The following UST variants were observed in gnomAD, a reference collection of about 807,000 sequenced individuals.
The protein encoded by UST is chondroitin sulfate 2-O-sulfotransferase.
UST carries 21 observed loss-of-function variants against 45.6 expected under a neutral mutation model. The ratio of observed to expected loss-of-function variants is 0.46; its 90% CI spans 0.33 to 0.66. The LOEUF (loss-of-function observed/expected upper bound fraction) is 0.66, where lower values mean the gene tolerates loss of function less well. Ranked by LOEUF, UST falls within the 30% of genes least tolerant of loss-of-function variation. The pLI is 0.02. For synonymous variants in UST, 215 were observed against 200.6 expected (o/e 1.07, Z -0.61); for missense variants, 463 against 512.4 (o/e 0.90, Z 0.93).
At chr6:148,784,508 G>C (rs1776702669) in intron 1 of UST, among the ~76,000 whole-genome samples, 1 of 152,172 alleles carries the variant, frequency 6.6e-6, no homozygotes, top group Non-Finnish European at 1.5e-5. Context: ...CTCCCAAAAG[G>C]GAAGCTATAT....
intron 2 of UST, among the ~76,000 whole-genome samples, chr6:148,893,932 C>T (rs1024125170): frequency 4.6e-5 from 7 of 152,102 alleles, no homozygotes; most frequent in African/African-American, 1.2e-4. Context: ...GTGGGAGGAT[C>T]GCTTGAGCCC....
Position 148,747,693 on chromosome 6 carries a change from A to AGGCGCTAGGGCGGCGCCGAC in UST, c.247+17_247+36dup. On this transcript the variant is annotated intron_variant, in intron 1 of 7. Transcript: ENST00000367463. ...CAGTACTTGGGTAAGGAAGCTGGGCAGGCGCTAGGGCGGCGCCGACAGCGC... is the reference window on the plus strand; with the variant it reads ...CAGTACTTGGGTAAGGAAGCTGGGCAGGCGCTAGGGCGGCGCCGACGGCGCTAGGGCGGCGCCGACAGCGC... The AGGCGCTAGGGCGGCGCCGAC allele has an allele frequency of 1.9e-6, 3 of 1,583,358 alleles. No homozygotes were observed. The highest frequency in any genetic ancestry group is 2.6e-6 in the Non-Finnish European group (3 of 1,166,478).
intron 1 of UST, among the ~76,000 whole-genome samples, chr6:148,827,640 T>G (rs1265719285): frequency 6.7e-6 from 1 of 148,996 alleles, no homozygotes; most frequent in Non-Finnish European, 1.5e-5. Flanking sequence ...AAAAAGCGTC[T>G]AAACTCCCGA....
At chr6:148,999,135 TTATC>T (rs777703064) in intron 5 of UST, among the ~76,000 whole-genome samples, 12 of 152,370 alleles carry the variant, frequency 7.9e-5, no homozygotes, top group Admixed American at 2.0e-4. Context: ...TGATATATCT[TTATC>T]TATATGAACA....
chr6:148,954,512 T>G (rs899390361), intron 4 of UST, among the ~76,000 whole-genome samples: 2 of 152,218 alleles, frequency 1.3e-5, no homozygotes, highest in Non-Finnish European at 2.9e-5. Context: ...CAAATGATTA[T>G]TATTGTGTCA....
At chr6:149,044,275 G>A (rs546605681) in intron 7 of UST, among the ~76,000 whole-genome samples, 4 of 152,162 alleles carry the variant, frequency 2.6e-5, no homozygotes, top group African/African-American at 7.2e-5. Flanking sequence ...TAAATCTCAA[G>A]CAATATTAGC....
chr6:149,044,847 A>T (rs1776375765), intron 7 of UST, among the ~76,000 whole-genome samples: 1 of 152,214 alleles, frequency 6.6e-6, no homozygotes, highest in Admixed American at 6.5e-5. Context: ...CGTGCTTTGG[A>T]TATCAGATTA....
In UST at chr6:149,068,339, GTTATA is replaced by G. The variant is rs1776771421; in HGVS notation, c.938-5493_938-5489del. On this transcript the variant is annotated intron_variant, in intron 7 of 7. Coordinates refer to ENST00000367463, the MANE Select transcript of UST (RefSeq NM_005715.3). ...TTTCTGGCTGCATGACCTTGAATGA[GTTATA>G]GCCTTGGCCTCAGTTTCCTCATGTA... 2.0e-5 allele frequency among the ~76,000 whole-genome samples: 3 copies of G among 152,304 alleles called. No individual in the cohort carries two copies. The South Asian group carries it at 6.2e-4, about 32-fold the overall frequency.
chr6:149,015,104 C>G (rs1046313445), intron 5 of UST, among the ~76,000 whole-genome samples: 1 of 152,090 alleles, frequency 6.6e-6, no homozygotes, highest in Non-Finnish European at 1.5e-5. Context: ...GGAGTTTCCT[C>G]TGAGACCAGC....
chr6:148,830,150 A>G (rs1007235249), intron 1 of UST, among the ~76,000 whole-genome samples: 1 of 152,134 alleles, frequency 6.6e-6, no homozygotes, highest in Non-Finnish European at 1.5e-5. Flanking sequence ...CCCTTAATAG[A>G]GTGACTTACT....
intron 5 of UST, among the ~76,000 whole-genome samples, chr6:149,007,118 T>G (rs1452719083): frequency 5.0e-5 from 1 of 20,038 alleles, no homozygotes; most frequent in African/African-American, 1.9e-4. Context: ...AGGCAAGCTT[T>G]TTTTTTTTTT....
intron 1 of UST, among the ~76,000 whole-genome samples, chr6:148,808,206 G>A (rs959225774): frequency 2.6e-5 from 4 of 152,180 alleles, no homozygotes; most frequent in African/African-American, 9.7e-5. Flanking sequence ...CTCCAGGCAG[G>A]CCGTGAGGGA....
intron 1 of UST, among the ~76,000 whole-genome samples, chr6:148,832,890 C>T (rs1777716039): frequency 6.6e-6 from 1 of 152,126 alleles, no homozygotes. Flanking sequence ...CAAGCAATGC[C>T]AAGACAGTAT....
At chr6:149,036,102 T>C (rs1776236356) in intron 7 of UST, among the ~76,000 whole-genome samples, 1 of 152,202 alleles carries the variant, frequency 6.6e-6, no homozygotes, top group Non-Finnish European at 1.5e-5. Context: ...TCCTTCCCAC[T>C]CCTCTGGGTT....
chr6:148,893,606 A>C (rs1360779730), intron 2 of UST, among the ~76,000 whole-genome samples: 2 of 152,168 alleles, frequency 1.3e-5, no homozygotes, highest in African/African-American at 4.8e-5. Context: ...CTATGCATCA[A>C]ATTTGTCTTG....
At chr6:148,773,052 T>TA (rs946081992) in intron 1 of UST, among the ~76,000 whole-genome samples, 11 of 152,212 alleles carry the variant, frequency 7.2e-5, no homozygotes, top group Middle Eastern at 3.4e-3. Flanking sequence ...TAAGGAATTT[T>TA]AAAAAAAATT....
Position 149,075,240 on chromosome 6 carries a change from A to G in UST, c.*1124A>G, listed in dbSNP as rs1423330902. 6.6e-6 allele frequency: 1 copy of G among 152,182 alleles called. No individual in the cohort carries two copies. The highest frequency in any genetic ancestry group is 1.5e-5 in the Non-Finnish European group (1 of 68,034). The allele number at this position is 152,182 out of a possible 1,614,324, so 9.4% of individuals were successfully genotyped here. On this transcript the variant is annotated 3_prime_UTR_variant, in exon 8 of 8. Coordinates refer to ENST00000367463, the MANE Select transcript of UST (RefSeq NM_005715.3). Reference sequence around the variant, plus strand: ...AATCTATCAAACACACCCCTGGCCAAGTTGGGTCCTATAGGACCTGGTACT... The same window carrying G: ...AATCTATCAAACACACCCCTGGCCAGGTTGGGTCCTATAGGACCTGGTACT...
At chr6:149,012,804 T>TAAA (rs763495869) in intron 5 of UST, among the ~76,000 whole-genome samples, 5 of 104,144 alleles carry the variant, frequency 4.8e-5, no homozygotes, top group East Asian at 2.7e-4. Context: ...AGTCACTATT[T>TAAA]AAAAAAAAAA....
At position 149,074,321 on chromosome 6, in the gene UST, G is replaced by T; in HGVS notation, c.*205G>T. ...TCTGTGTTTTCTCTTGGCTCTTTGG[G>T]TCTTTCCCGGGTACACTAGATGGCT... is the stretch of plus-strand genomic sequence containing the variant. On this transcript the variant is annotated 3_prime_UTR_variant, in exon 8 of 8. Transcript: ENST00000367463. The T allele has an allele frequency of 1.6e-6, 1 of 612,492 alleles. No individual in the cohort carries two copies. The highest frequency in any genetic ancestry group is 1.8e-5 in the African/African-American group (1 of 54,228). 37.9% of individuals were successfully genotyped at this position (612,492 alleles called of 1,614,324 possible).
Sources: allele counts gnomAD v4.1 joint callset (sites outside exome capture counted in the v4.1 genomes callset), GRCh38; gene constraint gnomAD v4.1.1; transcripts MANE v1.5; gene names NCBI Gene and HGNC (gene_info 2026-07-23, HGNC 2026-07-21).